The following CSMD3 variants were observed in gnomAD, a reference collection of about 807,000 sequenced individuals.
CSMD3 encodes CUB and sushi domain-containing protein 3.
Under a neutral mutation model 435.2 loss-of-function variants are expected in CSMD3, and 177 were observed. The observed-to-expected ratio is 0.41, with a 90% CI of 0.36 to 0.46. The LOEUF (loss-of-function observed/expected upper bound fraction) is 0.46. Among genes scored for constraint, CSMD3 ranks in the 20% least tolerant of loss-of-function variants. The pLI, the probability that CSMD3 is intolerant of heterozygous loss-of-function variation, is 0.34. For synonymous variants in CSMD3, 1,656 were observed against 1,520.5 expected, an observed-to-expected ratio of 1.09 and a Z score of -2.07; for missense variants, 4,265 against 4,504.6, an observed-to-expected ratio of 0.95 and a Z score of 1.52.
intron 11 of CSMD3, among the ~76,000 whole-genome samples, chr8:112,831,541 T>C (rs1414381079): frequency 1.4e-5 from 2 of 139,090 alleles, no homozygotes; most frequent in Non-Finnish European, 3.1e-5. Flanking sequence ...CCTACCACTC[T>C]AGTAGATGTA....
chr8:112,699,676 C>T (rs189409198), intron 13 of CSMD3, among the ~76,000 whole-genome samples: 7 of 152,276 alleles, frequency 4.6e-5, no homozygotes, highest in East Asian at 3.9e-4. Context: ...GGTATATTGA[C>T]GTTGTTTGCC....
At chr8:113,250,446 C>T (rs1402942) in intron 3 of CSMD3, among the ~76,000 whole-genome samples, 55,863 of 151,850 alleles carry the variant, frequency 0.37, 11,116 homozygotes, top group African/African-American at 0.52. Flanking sequence ...ACCTTGTGGG[C>T]GGTTCTAGGC....
intron 5 of CSMD3, among the ~76,000 whole-genome samples, chr8:113,062,064 A>T (rs1433078181): frequency 6.6e-6 from 1 of 151,732 alleles, no homozygotes; most frequent in African/African-American, 2.4e-5. Context: ...TTACTTTTCT[A>T]TTATTTTCTA....
chr8:112,868,005 C>T (rs998976212), intron 10 of CSMD3, among the ~76,000 whole-genome samples: 1 of 152,092 alleles, frequency 6.6e-6, no homozygotes, highest in Non-Finnish European at 1.5e-5. Flanking sequence ...CATTGCACAG[C>T]CATACATCAT....
chr8:112,608,283 T>C (rs965116745), intron 22 of CSMD3, among the ~76,000 whole-genome samples: 52 of 152,016 alleles, frequency 3.4e-4, no homozygotes, highest in African/African-American at 1.1e-3. Flanking sequence ...AATAAAACAT[T>C]AATAAAAAAA....
intron 10 of CSMD3, among the ~76,000 whole-genome samples, chr8:112,917,458 C>A (rs1323698581): frequency 6.6e-6 from 1 of 150,972 alleles, no homozygotes; most frequent in African/African-American, 2.4e-5. Flanking sequence ...ATCTAGGTGG[C>A]AATTCTGTTT....
At chr8:113,276,044 T>C (rs1414035572) in intron 3 of CSMD3, among the ~76,000 whole-genome samples, 1 of 152,026 alleles carries the variant, frequency 6.6e-6, no homozygotes, top group Non-Finnish European at 1.5e-5. Context: ...AATATGCCAG[T>C]TGGCCCTGGC....
At chr8:112,888,586 G>C (rs927029176) in intron 10 of CSMD3, among the ~76,000 whole-genome samples, 1 of 151,646 alleles carries the variant, frequency 6.6e-6, no homozygotes, top group African/African-American at 2.4e-5. Flanking sequence ...ATTTTAGTTT[G>C]ATTCTACAGA....
At chr8:113,263,498 C>G (rs1337565641) in intron 3 of CSMD3, among the ~76,000 whole-genome samples, 1 of 151,838 alleles carries the variant, frequency 6.6e-6, no homozygotes, top group Non-Finnish European at 1.5e-5. Flanking sequence ...TTCTTGCATT[C>G]CTTTAAATTT....
rs1450464690 is a variant in CSMD3 at position 112,666,346 on chromosome 8, T to C, written c.2747A>G (p.Lys916Arg). Residue 916 changes from lysine to arginine, a missense_variant, in exon 17 of 71, where the codon AAA (lysine) becomes AGA (arginine). Coordinates refer to ENST00000297405, the MANE Select transcript of CSMD3 (RefSeq NM_198123.2). ...CACCCACTCACAATTCAAAGAGTCT[T>C]TGTAGTATCCTGGCCATCCTGGTGA... is the stretch of plus-strand genomic sequence containing the variant. ...ILSPGWPGYY[K>R]DSLNCEWVIE... 1 of 1,612,542 alleles carries C rather than the reference T, an allele frequency of 6.2e-7. No homozygotes were observed. Among genetic ancestry groups the C allele is most frequent in the Non-Finnish European group, 8.5e-7 (1 of 1,179,202 alleles).
intron 25 of CSMD3, among the ~76,000 whole-genome samples, chr8:112,553,280 G>A (rs1827844841): frequency 6.6e-6 from 1 of 151,948 alleles, no homozygotes; most frequent in Non-Finnish European, 1.5e-5. Flanking sequence ...TTGATTTAAT[G>A]TGGTCTCTAA....
At chr8:112,296,934 T>G (rs2130724423) in intron 53 of CSMD3, among the ~76,000 whole-genome samples, 1 of 151,862 alleles carries the variant, frequency 6.6e-6, no homozygotes, top group East Asian at 1.9e-4. Flanking sequence ...ATTAAAAGAA[T>G]AAGGGAATGC....
chr8:112,403,735 T>C lies in CSMD3; in HGVS notation c.5809+2789A>G, dbSNP rs149395915. Among the ~76,000 whole-genome samples the C allele has an allele frequency of 6.6e-5, 10 of 151,596 alleles. No individual in the cohort carries two copies. In the East Asian group the frequency reaches 1.8e-3, roughly 27 times the overall value. ...TAATACCCCCACATGGGGGATTAGGTTTCAACATAAGAATCTGTGTGTGTT... is the reference window on the plus strand; with the variant it reads ...TAATACCCCCACATGGGGGATTAGGCTTCAACATAAGAATCTGTGTGTGTT... On this transcript the variant is annotated intron_variant, in intron 35 of 70. Transcript: ENST00000297405.
At chr8:113,288,422 A>AATAC (rs2093661446) in intron 2 of CSMD3, among the ~76,000 whole-genome samples, 1 of 151,996 alleles carries the variant, frequency 6.6e-6, no homozygotes, top group African/African-American at 2.4e-5. Context: ...AGACCCATGA[A>AATAC]ATACACTACT....
At chr8:112,733,953 A>C (rs2077129699) in intron 13 of CSMD3, among the ~76,000 whole-genome samples, 1 of 151,952 alleles carries the variant, frequency 6.6e-6, no homozygotes, top group Admixed American at 6.6e-5. Context: ...AAATGTATGC[A>C]GTCTGGACAT....
intron 37 of CSMD3, among the ~76,000 whole-genome samples, chr8:112,382,132 A>C (rs1363727333): frequency 6.6e-6 from 1 of 151,926 alleles, no homozygotes; most frequent in East Asian, 1.9e-4. Flanking sequence ...AAATAAAATA[A>C]AAATTAATTG....
chr8:113,209,907 C>G (rs72687644), intron 3 of CSMD3, among the ~76,000 whole-genome samples: 10,027 of 151,708 alleles, frequency 0.066, 445 homozygotes, highest in Non-Finnish European at 0.095. Flanking sequence ...TTAAAAAACC[C>G]AAACTTTAAA....
At chr8:112,871,940 G>C (rs370392483) in intron 10 of CSMD3, among the ~76,000 whole-genome samples, 2 of 152,068 alleles carry the variant, frequency 1.3e-5, no homozygotes, top group East Asian at 3.9e-4. Flanking sequence ...TCATGTGTCA[G>C]AATTCATTTT....
chr8:113,135,868 G>A (rs1227740000), intron 4 of CSMD3, among the ~76,000 whole-genome samples: 8 of 151,586 alleles, frequency 5.3e-5, no homozygotes, highest in Non-Finnish European at 1.2e-4. Flanking sequence ...TAAAATACGG[G>A]TAACTTCAAA....
Sources: allele counts gnomAD v4.1 joint callset (sites outside exome capture counted in the v4.1 genomes callset), GRCh38; gene constraint gnomAD v4.1.1; transcripts MANE v1.5; gene names NCBI Gene and HGNC (gene_info 2026-07-23, HGNC 2026-07-21).